PIWIL4: variants seen among roughly 807,000 people sequenced by gnomAD.
PIWIL4 encodes piwi like RNA-mediated gene silencing 4, also known as piwi-like protein 4.
Under a neutral mutation model 100.9 loss-of-function variants are expected in PIWIL4, and 50 were observed. The ratio of observed to expected loss-of-function variants is 0.50; its 90% CI spans 0.39 to 0.63. The LOEUF (loss-of-function observed/expected upper bound fraction) is 0.63, where lower values mean the gene tolerates loss of function less well. PIWIL4 is among the 20% of genes least tolerant of loss of function. The pLI is 0.00. For missense variants in PIWIL4, 887 were observed against 1,043.3 expected, an observed-to-expected ratio of 0.85 and a Z score of 2.06; for synonymous variants, 342 against 367.5, an observed-to-expected ratio of 0.93 and a Z score of 0.79.
At chr11:94,578,244 A>G (rs1239643028) in intron 4 of PIWIL4, among the ~76,000 whole-genome samples, 1 of 152,190 alleles carries the variant, frequency 6.6e-6, no homozygotes, top group East Asian at 1.9e-4. Context: ...GAAATGCTTC[A>G]GGATCTTAAT....
chr11:94,567,684 G>A, intron 1 of PIWIL4, 79 bp downstream of exon 1: 1 of 1,414,434 alleles, frequency 7.1e-7, no homozygotes, highest in South Asian at 1.6e-5. Flanking sequence ...TCCTCTGCAT[G>A]TATCTCCTCC....
At position 94,620,930 on chromosome 11, in the gene PIWIL4, G is replaced by A. The variant is rs780246895; in HGVS notation, c.2497G>A (p.Val833Met). ...CQYAHKLTFLVAQSIHKEPSL... is the reference protein window; with the variant it reads ...CQYAHKLTFLMAQSIHKEPSL... ...GTATGCTCACAAGCTGACCTTTCTGGTGGCACAAAGCATTCATAAAGAACC... is the reference window on the plus strand; with the variant it reads ...GTATGCTCACAAGCTGACCTTTCTGATGGCACAAAGCATTCATAAAGAACC... Residue 833 changes from valine (V) to methionine (M), a missense_variant, in exon 20 of 20, where the codon GTG (valine) becomes ATG (methionine). Coordinates refer to ENST00000299001, the MANE Select transcript of PIWIL4 (RefSeq NM_152431.3). The A allele has an allele frequency of 8.1e-6, 13 of 1,613,602 alleles. No homozygotes were observed. In the Admixed American group the frequency reaches 8.3e-5, roughly 10 times the overall value.
Position 94,619,727 on chromosome 11 carries a change from G to A in PIWIL4, c.2169-33G>A, listed in dbSNP as rs765617587. On this transcript the variant is annotated intron_variant, in intron 17 of 19. Transcript: ENST00000299001. ...TAGAAAGCTATATAGATTGGATTGAGTTCTTTTCATATTTTGCCTCTCTAA... is the reference window on the plus strand; with the variant it reads ...TAGAAAGCTATATAGATTGGATTGAATTCTTTTCATATTTTGCCTCTCTAA... 12 of 1,595,514 alleles carry A rather than the reference G, an allele frequency of 7.5e-6. No homozygotes were observed. In the Admixed American group the frequency reaches 1.8e-4, roughly 24 times the overall value.
At chr11:94,609,593 C>G (rs1370356384) in intron 15 of PIWIL4, among the ~76,000 whole-genome samples, 1 of 152,054 alleles carries the variant, frequency 6.6e-6, no homozygotes, top group Non-Finnish European at 1.5e-5. Context: ...TTATATATGC[C>G]ACATCATTAA....
chr11:94,603,986 T>C lies in PIWIL4; in HGVS notation c.1568T>C (p.Ile523Thr), dbSNP rs937649231. 6 of 1,597,680 alleles carry C rather than the reference T, an allele frequency of 3.8e-6. No homozygotes were observed. The highest frequency in any genetic ancestry group is 1.7e-5 in the Admixed American group (1 of 59,498). ...TCAAAATTAATCTTTTTATGTAGCA[T>C]AAAAGTACAAGAAAATCCAGCTGCA... ...MGFNVDYPKI[I>T]KVQENPAAFV... Residue 523 changes from isoleucine to threonine, a missense_variant and splice_region_variant, in exon 13 of 20, where the codon ATA becomes ACA. Physicochemically the swap from Ile to Thr is moderately conservative, Grantham distance 89. Coordinates refer to ENST00000299001, the MANE Select transcript of PIWIL4 (RefSeq NM_152431.3).
At chr11:94,612,270 G>A (rs1176630115) in intron 15 of PIWIL4, among the ~76,000 whole-genome samples, 5 of 149,340 alleles carry the variant, frequency 3.3e-5, no homozygotes, top group Non-Finnish European at 5.9e-5. Context: ...TTCTCTTAAT[G>A]AATTGATTCT....
intron 15 of PIWIL4, among the ~76,000 whole-genome samples, chr11:94,614,385 G>A (rs562399351): frequency 1.4e-5 from 2 of 143,698 alleles, no homozygotes; most frequent in Non-Finnish European, 3.0e-5. Context: ...TCAGCTCACT[G>A]AAACCTCTGC....
chr11:94,619,247 C>T (rs140323709), intron 17 of PIWIL4, among the ~76,000 whole-genome samples: 1 of 152,314 alleles, frequency 6.6e-6, no homozygotes, highest in East Asian at 1.9e-4. Flanking sequence ...TAACACTTCA[C>T]CATTCAGCAT....
At chr11:94,616,111 A>C (rs1332205975) in intron 15 of PIWIL4, among the ~76,000 whole-genome samples, 1 of 152,236 alleles carries the variant, frequency 6.6e-6, no homozygotes, top group African/African-American at 2.4e-5. Flanking sequence ...TACTATGCTA[A>C]ATATTTTACA....
intron 4 of PIWIL4, among the ~76,000 whole-genome samples, chr11:94,580,948 G>A (rs1208484863): frequency 3.4e-5 from 5 of 146,212 alleles, no homozygotes; most frequent in Non-Finnish European, 7.4e-5. Flanking sequence ...GCCCAGGCTG[G>A]AGTGCAATGG....
At chr11:94,581,331 G>C (rs952766920) in intron 4 of PIWIL4, among the ~76,000 whole-genome samples, 1 of 152,198 alleles carries the variant, frequency 6.6e-6, no homozygotes, top group East Asian at 1.9e-4. Context: ...CAGGACACCT[G>C]AGCGAGAGTG....
intron 8 of PIWIL4, among the ~76,000 whole-genome samples, chr11:94,589,730 C>G (rs1450936780): frequency 6.6e-6 from 1 of 152,106 alleles, no homozygotes; most frequent in African/African-American, 2.4e-5. Flanking sequence ...CACTAGACAC[C>G]CTTGCATACT....
intron 15 of PIWIL4, among the ~76,000 whole-genome samples, chr11:94,612,706 A>G (rs756248231): frequency 1.3e-5 from 2 of 151,996 alleles, no homozygotes; most frequent in Non-Finnish European, 2.9e-5. Flanking sequence ...TTGAGTATCT[A>G]CTATGGATTT....
chr11:94,612,746 A>G (rs907618075), intron 15 of PIWIL4, among the ~76,000 whole-genome samples: 17 of 152,162 alleles, frequency 1.1e-4, no homozygotes, highest in African/African-American at 4.1e-4. Flanking sequence ...AGTCTTACAT[A>G]AAACATCTTA....
At chr11:94,598,425 C>T (rs1948587404) in intron 11 of PIWIL4, among the ~76,000 whole-genome samples, 2 of 152,330 alleles carry the variant, frequency 1.3e-5, no homozygotes, top group South Asian at 2.1e-4. Context: ...CAGCCCCAGA[C>T]ATAGTACTTG....
Position 94,618,013 on chromosome 11 carries a change from C to A in PIWIL4, c.2074C>A (p.Arg692Ser). 6.2e-7 allele frequency: 1 copy of A among 1,612,652 alleles called. No homozygotes were observed. Among genetic ancestry groups the A allele is most frequent in the Non-Finnish European group, 8.5e-7 (1 of 1,179,098 alleles). The part of the protein sequence containing the change: ...HDLPARIIVY[R>S]AGVGDGQLKT... ...TTTGCCAGCACGGATAATTGTGTAC[C>A]GTGCTGGTGTAGGGGATGGTCAGCT... is the stretch of plus-strand genomic sequence containing the variant. Residue 692 changes from arginine (R) to serine (S), a missense_variant, in exon 17 of 20, where the codon CGT becomes AGT. Coordinates refer to ENST00000299001, the MANE Select transcript of PIWIL4 (RefSeq NM_152431.3).
At chr11:94,610,040 A>G (rs539719945) in intron 15 of PIWIL4, among the ~76,000 whole-genome samples, 69 of 152,204 alleles carry the variant, frequency 4.5e-4, no homozygotes, top group African/African-American at 1.5e-3. Flanking sequence ...AAATATTCCT[A>G]TCCTCTGCCC....
intron 15 of PIWIL4, among the ~76,000 whole-genome samples, chr11:94,612,883 CATTA>C (rs1348429130): frequency 6.6e-6 from 1 of 152,172 alleles, no homozygotes; most frequent in Non-Finnish European, 1.5e-5. Context: ...TGTATATATG[CATTA>C]ATTATATTGT....
chr11:94,568,769 A>G lies in PIWIL4; in HGVS notation c.127A>G (p.Ser43Gly). Residue 43 changes from serine to glycine, a missense_variant, in exon 2 of 20, where the codon AGC (serine) becomes GGC (glycine). By Grantham distance (56) the Ser-to-Gly change is moderately conservative. This residue lies in a region of PIWIL4 where 146 missense variants were observed against 113.4 expected (regional missense o/e 1.29). Transcript: ENST00000299001. ...VDLSNNEASS[S>G]NGFLGTSRIS... The stretch of plus-strand genomic sequence containing the variant: ...TCTTAGTAACAATGAAGCATCCTCT[A>G]GCAATGGCTTCTTGGGAACAAGCAG... 2 of 1,610,480 alleles carry G rather than the reference A, an allele frequency of 1.2e-6. No individual in the cohort carries two copies. The highest frequency in any genetic ancestry group is 1.7e-6 in the Non-Finnish European group (2 of 1,176,692).
Sources: gnomAD v4.1 joint callset for allele counts (sites outside exome capture counted in the v4.1 genomes callset) on GRCh38, gnomAD v4.1.1 for gene constraint, gnomAD v4.1.1 regional missense constraint, MANE v1.5 for transcripts, NCBI Gene and HGNC (gene_info 2026-07-23, HGNC 2026-07-21) for gene names.